The following SRPK1 variants were observed in gnomAD, a reference collection of about 807,000 sequenced individuals.
SRPK1 encodes SFRS protein kinase 1.
In SRPK1, 52 loss-of-function variants were observed where a neutral mutation model predicts 89.5. That is an observed-to-expected ratio of 0.58 (90% CI 0.46 to 0.73). The LOEUF (loss-of-function observed/expected upper bound fraction) is 0.73, where lower values mean the gene tolerates loss of function less well. Ranked by LOEUF, SRPK1 falls within the 30% of genes least tolerant of loss-of-function variation. The pLI is 0.00. For synonymous variants in SRPK1, 255 were observed against 270.2 expected (o/e 0.94, Z 0.55); for missense variants, 603 against 780.6 (o/e 0.77, Z 2.71).
intron 2 of SRPK1, among the ~76,000 whole-genome samples, chr6:35,899,524 C>A (rs80227705): frequency 6.6e-6 from 1 of 152,122 alleles, no homozygotes; most frequent in African/African-American, 2.4e-5. Context: ...TGCCTAGAAC[C>A]GGGATGTGTA....
At chr6:35,911,131 C>T (rs1770952172) in intron 2 of SRPK1, among the ~76,000 whole-genome samples, 1 of 152,152 alleles carries the variant, frequency 6.6e-6, no homozygotes, top group Non-Finnish European at 1.5e-5. Context: ...TCTGATGGGT[C>T]TGGGAAAAAT....
intron 2 of SRPK1, among the ~76,000 whole-genome samples, chr6:35,919,753 T>A (rs1173597915): frequency 6.6e-6 from 1 of 152,214 alleles, no homozygotes; most frequent in Non-Finnish European, 1.5e-5. Context: ...ACTGGACATG[T>A]GGCGCTTAAT....
intron 6 of SRPK1, among the ~76,000 whole-genome samples, chr6:35,882,046 GAAC>G (rs1191413287): frequency 2.7e-5 from 4 of 150,662 alleles, no homozygotes; most frequent in Non-Finnish European, 5.9e-5. Context: ...AGAAGAACAA[GAAC>G]AATAAGAACA....
intron 12 of SRPK1, among the ~76,000 whole-genome samples, chr6:35,861,921 G>A (rs554433996): frequency 7.9e-5 from 12 of 152,232 alleles, no homozygotes; most frequent in Admixed American, 3.3e-4. Flanking sequence ...TGGGCTATGC[G>A]CTTGCCCTTG....
Position 35,833,618 on chromosome 6 carries a change from C to A in SRPK1, c.*1686G>T, listed in dbSNP as rs1769109415. The A allele has an allele frequency of 6.6e-6, 1 of 152,634 alleles. No homozygotes were observed. The highest frequency in any genetic ancestry group is 1.5e-5 in the Non-Finnish European group (1 of 68,046). 9.5% of individuals were successfully genotyped at this position (152,634 alleles called of 1,614,324 possible). A position where few individuals can be genotyped will look rare whatever the true frequency, so the allele number is the denominator to read the frequency against. On this transcript the variant is annotated 3_prime_UTR_variant, in exon 16 of 16. Coordinates refer to ENST00000373825, the MANE Select transcript of SRPK1 (RefSeq NM_003137.5). ...TAAAATTCTTTCTACAGGAACATGT[C>A]TGATTTCAGGAGTACCCAATGAAGG...
At chr6:35,897,076 A>T (rs1448605142) in intron 2 of SRPK1, among the ~76,000 whole-genome samples, 1 of 152,222 alleles carries the variant, frequency 6.6e-6, no homozygotes, top group African/African-American at 2.4e-5. Context: ...ATGGTGAGTG[A>T]CTACTAATGG....
intron 1 of SRPK1, 87 bp downstream of exon 1, chr6:35,920,957 C>A: frequency 6.9e-7 from 1 of 1,451,216 alleles, no homozygotes; most frequent in South Asian, 1.3e-5. Context: ...AACCGAACCG[C>A]GGCAGTTAAG....
intron 12 of SRPK1, among the ~76,000 whole-genome samples, chr6:35,862,900 C>T (rs986855694): frequency 2.0e-5 from 3 of 152,132 alleles, no homozygotes; most frequent in Admixed American, 6.6e-5. Flanking sequence ...CACAGTTGCT[C>T]ACATCTGTAA....
At chr6:35,890,788 C>A in intron 3 of SRPK1, 107 bp downstream of exon 3, 2 of 942,774 alleles carry the variant, frequency 2.1e-6, no homozygotes, top group South Asian at 2.6e-5. Flanking sequence ...GAAAAGGATA[C>A]AAGTAAACAG....
chr6:35,880,328 G>T (rs1260665945), intron 6 of SRPK1, among the ~76,000 whole-genome samples: 1 of 151,944 alleles, frequency 6.6e-6, no homozygotes, highest in Non-Finnish European at 1.5e-5. Flanking sequence ...CAAGTGTGAG[G>T]AATAGAAAGA....
At position 35,870,208 on chromosome 6, in the gene SRPK1, C is replaced by G. The variant is rs569776459; in HGVS notation, c.991+73G>C. On this transcript the variant is annotated intron_variant, in intron 10 of 15. Transcript: ENST00000373825. ...GAGATGTGTTGTATGTATGAAACCACTGTATTATATAGCAATGATAAATTA... is the reference window on the plus strand; with the variant it reads ...GAGATGTGTTGTATGTATGAAACCAGTGTATTATATAGCAATGATAAATTA... The G allele has an allele frequency of 6.1e-5, 82 of 1,337,138 alleles. No homozygotes were observed. In the African/African-American group the frequency reaches 9.8e-4, roughly 16 times the overall value. 82.8% of individuals were successfully genotyped at this position (1,337,138 alleles called of 1,614,324 possible). A position where few individuals can be genotyped will look rare whatever the true frequency, so the allele number is the denominator to read the frequency against.
rs1451644781 is a variant in SRPK1 at position 35,888,111 on chromosome 6, C to T, written c.303G>A (p.Gln101=). 1 of 1,603,736 alleles carries T rather than the reference C, an allele frequency of 6.2e-7. No individual in the cohort carries two copies. Among genetic ancestry groups the T allele is most frequent in the Non-Finnish European group, 8.5e-7 (1 of 1,176,298 alleles). Residue 101 remains glutamine, a splice_region_variant and synonymous_variant, in exon 5 of 16, where the codon CAG becomes CAA. Coordinates refer to ENST00000373825, the MANE Select transcript of SRPK1 (RefSeq NM_003137.5). ...FSTVWLSWDI[Q]GKKFVAMKVV... ...CTTTCATTGCCACAAATTTCTTCCCCCTAAGAAACAAACACAGGCAATTAA... is the reference window on the plus strand; with the variant it reads ...CTTTCATTGCCACAAATTTCTTCCCTCTAAGAAACAAACACAGGCAATTAA...
chr6:35,889,422 C>T (rs1011045099), intron 3 of SRPK1, among the ~76,000 whole-genome samples: 5 of 151,474 alleles, frequency 3.3e-5, no homozygotes, highest in South Asian at 2.1e-4. Context: ...CCAAGGAGGG[C>T]GGATCATTTG....
intron 12 of SRPK1, among the ~76,000 whole-genome samples, chr6:35,858,409 T>A (rs1243849915): frequency 6.6e-6 from 1 of 152,148 alleles, no homozygotes; most frequent in Non-Finnish European, 1.5e-5. Context: ...CATCAAATTT[T>A]TAGTATAAGA....
At chr6:35,848,410 A>T (rs939105667) in intron 13 of SRPK1, among the ~76,000 whole-genome samples, 1 of 152,114 alleles carries the variant, frequency 6.6e-6, no homozygotes, top group Non-Finnish European at 1.5e-5. Flanking sequence ...ATACAAAAAT[A>T]GTTGGATGTG....
intron 2 of SRPK1, among the ~76,000 whole-genome samples, chr6:35,894,581 T>A (rs1770591678): frequency 6.6e-6 from 1 of 152,114 alleles, no homozygotes; most frequent in South Asian, 2.1e-4. Context: ...TCTACTTAAT[T>A]TTTTATTAGG....
chr6:35,880,695 G>A (rs1770254617), intron 6 of SRPK1, among the ~76,000 whole-genome samples: 1 of 77,032 alleles, frequency 1.3e-5, no homozygotes, highest in African/African-American at 7.0e-5. Flanking sequence ...ACTCCAGCCT[G>A]GGTGACAGAG....
chr6:35,838,255 G>T, intron 15 of SRPK1, 82 bp downstream of exon 15: 1 of 927,154 alleles, frequency 1.1e-6, no homozygotes. Flanking sequence ...CCATCATTCT[G>T]TAGGACATTG....
intron 2 of SRPK1, among the ~76,000 whole-genome samples, chr6:35,903,941 C>T (rs968269828): frequency 2.0e-5 from 3 of 151,886 alleles, no homozygotes; most frequent in Non-Finnish European, 4.4e-5. Flanking sequence ...ATAGCTGGAA[C>T]TATTAGCGTG....
Sources: gnomAD v4.1 joint callset for allele counts (sites outside exome capture counted in the v4.1 genomes callset) on GRCh38, gnomAD v4.1.1 for gene constraint, MANE v1.5 for transcripts, NCBI Gene and HGNC (gene_info 2026-07-23, HGNC 2026-07-21) for gene names.